PCNX1: variants seen among roughly 807,000 people sequenced by gnomAD.
PCNX1 encodes the protein pecanex-like protein 1.
In PCNX1, 78 loss-of-function variants were observed where a neutral mutation model predicts 242.2. The observed-to-expected ratio is 0.32, with a 90% CI of 0.27 to 0.39. The LOEUF is 0.39. Among genes scored for constraint, PCNX1 ranks in the 10% least tolerant of loss-of-function variants. The pLI, the probability that PCNX1 is intolerant of heterozygous loss-of-function variation, is 1.00. For synonymous variants in PCNX1, 1,024 were observed against 1,032.9 expected (o/e 0.99, Z 0.17); for missense variants, 2,581 against 2,856.5 (o/e 0.90, Z 2.20).
intron 30 of PCNX1, among the ~76,000 whole-genome samples, chr14:71,099,790 GTCT>G (rs527881688): frequency 1.3e-4 from 20 of 152,156 alleles, no homozygotes; most frequent in Non-Finnish European, 2.6e-4. Context: ...GGATAGTTAT[GTCT>G]TCTTGTTAAA....
chr14:71,041,336 T>G (rs1390447283), intron 19 of PCNX1, among the ~76,000 whole-genome samples: 1 of 152,142 alleles, frequency 6.6e-6, no homozygotes, highest in African/African-American at 2.4e-5. Flanking sequence ...TCCTGGGCTT[T>G]TCTTTACTGG....
chr14:71,068,599 T>C (rs902609787), intron 26 of PCNX1, among the ~76,000 whole-genome samples: 9 of 143,202 alleles, frequency 6.3e-5, no homozygotes, highest in Non-Finnish European at 1.4e-4. Context: ...TGCGTGTGTG[T>C]GTGTGTGTGT....
intron 9 of PCNX1, 67 bp downstream of exon 9, chr14:71,009,791 C>A: frequency 2.2e-6 from 2 of 904,708 alleles, no homozygotes; most frequent in Admixed American, 2.5e-5. Flanking sequence ...TGTTTTTAAG[C>A]CTAGAACTAT....
chr14:71,073,348 T>C (rs150275077), intron 26 of PCNX1, among the ~76,000 whole-genome samples, 197 bp from the exon 27 acceptor site: 18 of 152,352 alleles, frequency 1.2e-4, no homozygotes, highest in African/African-American at 4.1e-4. Flanking sequence ...CATTGTGTTT[T>C]TGCAGGATAT....
At chr14:70,931,672 C>A (rs2056805164) in intron 1 of PCNX1, among the ~76,000 whole-genome samples, 1 of 152,162 alleles carries the variant, frequency 6.6e-6, no homozygotes, top group Admixed American at 6.5e-5. Flanking sequence ...ATTAGCAGAA[C>A]AGACAGAACT....
rs568116011 is a variant in PCNX1 at position 71,111,939 on chromosome 14, C to T, written c.*2004C>T. On this transcript the variant is annotated 3_prime_UTR_variant, in exon 36 of 36. Transcript: ENST00000304743. ...CATTTGCCTCATTTTGGCAGATCTA[C>T]AGTATGCCATTAAAGTTTAGTGTTG... 6.6e-6 allele frequency: 1 copy of T among 152,600 alleles called. No homozygotes were observed. Among genetic ancestry groups the T allele is most frequent in the African/African-American group, 2.4e-5 (1 of 41,550 alleles). 9.5% of individuals were successfully genotyped at this position (152,600 alleles called of 1,614,324 possible).
At position 70,952,794 on chromosome 14, in the gene PCNX1, T is replaced by TAGGG. The variant is rs1433300695; in HGVS notation, c.362+5672_362+5675dup. On this transcript the variant is annotated intron_variant, in intron 2 of 35. Coordinates refer to ENST00000304743, the MANE Select transcript of PCNX1 (RefSeq NM_014982.3). ...TATCTAGTTTATGTAAGCTGGTTTATAGGGCATTTTCATGTTCAATTTTAT... is the reference window on the plus strand; with the variant it reads ...TATCTAGTTTATGTAAGCTGGTTTATAGGGAGGGCATTTTCATGTTCAATTTTAT... Among the ~76,000 whole-genome samples the TAGGG allele has an allele frequency of 5.3e-5, 8 of 152,216 alleles. No individual in the cohort carries two copies. The East Asian group carries it at 1.5e-3, about 29-fold the overall frequency.
chr14:70,985,871 T>C (rs2058986422), intron 6 of PCNX1, among the ~76,000 whole-genome samples: 1 of 152,220 alleles, frequency 6.6e-6, no homozygotes, highest in Non-Finnish European at 1.5e-5. Context: ...AAGTATTTTC[T>C]CCCTTCTCTC....
chr14:70,948,746 T>TACATATAC (rs1439304966), intron 2 of PCNX1, among the ~76,000 whole-genome samples: 1 of 148,900 alleles, frequency 6.7e-6, no homozygotes, highest in African/African-American at 2.5e-5. Flanking sequence ...TGTGTATATG[T>TACATATAC]ACATATATGT....
chr14:70,988,810 G>T, intron 7 of PCNX1, 111 bp downstream of exon 7: 1 of 1,331,892 alleles, frequency 7.5e-7, no homozygotes, highest in Non-Finnish European at 1.0e-6. Context: ...TTTCCTTTCT[G>T]TTTCTTTCCT....
Position 70,978,031 on chromosome 14 carries a change from G to C in PCNX1, c.1694G>C (p.Gly565Ala). ...CACAAGTCAGGCAGGAGACGCACAG[G>C]AAAAAAACGGGCTAGCAGTTTTGAT... ...SAHKSGRRRT[G>A]KKRASSFDSS... Residue 565 changes from glycine (G) to alanine (A), a missense_variant, in exon 6 of 36, where the codon GGA becomes GCA. Physicochemically the swap from Gly to Ala is moderately conservative, Grantham distance 60. Coordinates refer to ENST00000304743, the MANE Select transcript of PCNX1 (RefSeq NM_014982.3). The C allele has an allele frequency of 6.2e-7, 1 of 1,613,980 alleles. No homozygotes were observed. The highest frequency in any genetic ancestry group is 8.5e-7 in the Non-Finnish European group (1 of 1,179,984).
chr14:71,077,689 G>GCAGA (rs1219222853), intron 28 of PCNX1, among the ~76,000 whole-genome samples: 16 of 152,232 alleles, frequency 1.1e-4, no homozygotes, highest in African/African-American at 2.9e-4. Context: ...CAGAAGACCA[G>GCAGA]CAGACAGTGG....
At chr14:71,098,325 G>A (rs565667783) in intron 30 of PCNX1, among the ~76,000 whole-genome samples, 1 of 152,178 alleles carries the variant, frequency 6.6e-6, no homozygotes, top group African/African-American at 2.4e-5. Flanking sequence ...AAATACATTG[G>A]TAGCTTGATA....
At chr14:71,048,843 G>T (rs1239476497) in intron 22 of PCNX1, 1 of 155,794 alleles carries the variant, frequency 6.4e-6, no homozygotes, top group Non-Finnish European at 1.4e-5. Flanking sequence ...TCTAGGATGG[G>T]GAACAGTAAA....
intron 26 of PCNX1, among the ~76,000 whole-genome samples, chr14:71,066,976 A>G (rs1298256187): frequency 6.6e-6 from 1 of 152,186 alleles, no homozygotes; most frequent in Admixed American, 6.5e-5. Context: ...ATCATGGTGA[A>G]TAAGCTTTTT....
intron 33 of PCNX1, 111 bp downstream of exon 33, chr14:71,105,551 G>T (rs1047908671): frequency 5.0e-6 from 4 of 798,188 alleles, no homozygotes; most frequent in East Asian, 2.8e-5. Flanking sequence ...TTCAGAAATA[G>T]AATTTTTTTT....
At chr14:71,040,319 T>G (rs576159549) in intron 19 of PCNX1, among the ~76,000 whole-genome samples, 1 of 152,312 alleles carries the variant, frequency 6.6e-6, no homozygotes, top group South Asian at 2.1e-4. Flanking sequence ...CTTCTCCCTT[T>G]TATTGCTTCT....
chr14:70,949,518 C>T (rs2057693609), intron 2 of PCNX1, among the ~76,000 whole-genome samples: 1 of 151,872 alleles, frequency 6.6e-6, no homozygotes, highest in Admixed American at 6.6e-5. Context: ...TTTTACTTGA[C>T]ATTTATAAGT....
intron 19 of PCNX1, among the ~76,000 whole-genome samples, chr14:71,041,063 C>T (rs144434123): frequency 5.4e-4 from 82 of 152,152 alleles, no homozygotes; most frequent in East Asian, 5.8e-4. Flanking sequence ...TTTCTTTATC[C>T]GTTCATTCAT....
Sources: allele counts gnomAD v4.1 joint callset (sites outside exome capture counted in the v4.1 genomes callset), GRCh38; gene constraint gnomAD v4.1.1; transcripts MANE v1.5; gene names NCBI Gene and HGNC (gene_info 2026-07-23, HGNC 2026-07-21).